Variants in ARID2 observed in about 807,000 individuals in gnomAD.
ARID2 encodes AT-rich interactive domain-containing protein 2.
In ARID2, 32 loss-of-function variants were observed where a neutral mutation model predicts 184.6. The observed-to-expected ratio is 0.17, with a 90% CI of 0.13 to 0.23. The LOEUF (loss-of-function observed/expected upper bound fraction) is 0.23, where lower values mean the gene tolerates loss of function less well. Ranked by LOEUF, ARID2 falls within the 10% of genes least tolerant of loss-of-function variation. The pLI is 1.00. For synonymous variants in ARID2, 836 were observed against 772.6 expected (o/e 1.08, Z -1.36); for missense variants, 1,696 against 2,197.6 (o/e 0.77, Z 4.56).
Position 45,804,723 on chromosome 12 carries a change from C to CA in ARID2, c.285-6689dup, listed in dbSNP as rs576056967. The stretch of plus-strand genomic sequence containing the variant: ...AATTGTGAAATATATCATGCACACA[C>CA]AAAAAAGCTTAATACATCATCTAAA... On this transcript the variant is annotated intron_variant, in intron 3 of 20. Coordinates refer to ENST00000334344, the MANE Select transcript of ARID2 (RefSeq NM_152641.4). 1.2e-4 allele frequency among the ~76,000 whole-genome samples: 18 copies of CA among 152,062 alleles called. No individual in the cohort carries two copies. In the East Asian group the frequency reaches 3.5e-3, roughly 29 times the overall value.
intron 11 of ARID2, among the ~76,000 whole-genome samples, chr12:45,844,857 C>T (rs975444): frequency 0.14 from 21,683 of 152,160 alleles, 1,962 homozygotes; most frequent in Admixed American, 0.21. Flanking sequence ...ATGCATAATC[C>T]TGCAGAGCTA....
At chr12:45,810,758 A>G (rs1328444841) in intron 3 of ARID2, among the ~76,000 whole-genome samples, 1 of 152,182 alleles carries the variant, frequency 6.6e-6, no homozygotes, top group East Asian at 1.9e-4. Context: ...AGAATCTTCT[A>G]ATTTTCATAT....
At chr12:45,749,162 T>G (rs1160669662) in intron 3 of ARID2, among the ~76,000 whole-genome samples, 2 of 152,218 alleles carry the variant, frequency 1.3e-5, no homozygotes, top group East Asian at 1.9e-4. Context: ...AGTAATAGAC[T>G]AGAAAGTCAA....
chr12:45,899,725 T>TTATATATATATATGGTTA lies in ARID2; in HGVS notation c.5364-5198_5364-5197insATGGTTATATATATATAT, dbSNP rs372531225. ...TATATATATGGTTATATATATATGG[T>TTATATATATATATGGTTA]TATATATATATGGTTTTATATATAT... On this transcript the variant is annotated intron_variant, in intron 20 of 20. Transcript: ENST00000334344. Among the ~76,000 whole-genome samples the TTATATATATATATGGTTA allele has an allele frequency of 2.1e-4, 23 of 109,112 alleles. 1 individual carries two copies. Among genetic ancestry groups the TTATATATATATATGGTTA allele is most frequent in the African/African-American group, 6.3e-4 (21 of 33,516 alleles). 71.6% of individuals were successfully genotyped at this position (109,112 alleles called of 152,430 possible).
intron 3 of ARID2, among the ~76,000 whole-genome samples, chr12:45,732,606 T>G (rs1017025349): frequency 6.6e-6 from 1 of 152,040 alleles, no homozygotes; most frequent in Non-Finnish European, 1.5e-5. Flanking sequence ...AACAAGAGAG[T>G]TTTATATTCA....
chr12:45,836,919 A>G lies in ARID2; in HGVS notation c.951A>G (p.Leu317=). 6.2e-7 allele frequency: 1 copy of G among 1,614,058 alleles called. No individual in the cohort carries two copies. Among genetic ancestry groups the G allele is most frequent in the Non-Finnish European group, 8.5e-7 (1 of 1,179,976 alleles). ...ATCGTACCTGTCTTCGTTTCCTATT[A>G]CTTTCTGCACATAGTCATTTTATTT... ...AANRTCLRFL[L]LSAHSHFISL... is the part of the protein sequence containing the mutation. Residue 317 remains leucine (L), a synonymous_variant, in exon 8 of 21, where the codon TTA becomes TTG. Transcript: ENST00000334344.
At chr12:45,871,948 G>A (rs1163284711) in intron 16 of ARID2, among the ~76,000 whole-genome samples, 1 of 152,004 alleles carries the variant, frequency 6.6e-6, no homozygotes, top group Non-Finnish European at 1.5e-5. Flanking sequence ...CATGGGATTG[G>A]TAGTAATGGT....
intron 3 of ARID2, among the ~76,000 whole-genome samples, chr12:45,784,267 T>C (rs1284229927): frequency 5.3e-5 from 8 of 152,160 alleles, no homozygotes; most frequent in African/African-American, 9.7e-5. Flanking sequence ...GTGATCCTCC[T>C]GCTTCAGCCT....
chr12:45,815,728 C>A (rs1395740866), intron 4 of ARID2, among the ~76,000 whole-genome samples: 3 of 152,028 alleles, frequency 2.0e-5, no homozygotes, highest in African/African-American at 7.2e-5. Flanking sequence ...GTGACTTAAC[C>A]AAAGCTCACT....
chr12:45,778,104 G>A (rs1405604127), intron 3 of ARID2, among the ~76,000 whole-genome samples: 1 of 152,064 alleles, frequency 6.6e-6, no homozygotes, highest in African/African-American at 2.4e-5. Flanking sequence ...TTCTCAGGGG[G>A]GCCGGGGCAG....
intron 20 of ARID2, among the ~76,000 whole-genome samples, chr12:45,899,701 A>G (rs1418715557): frequency 7.1e-6 from 1 of 140,110 alleles, no homozygotes; most frequent in Non-Finnish European, 1.5e-5. Flanking sequence ...ATGGTTATAT[A>G]TATATATGGT....
chr12:45,885,807 C>T (rs1383993205), intron 16 of ARID2, among the ~76,000 whole-genome samples: 1 of 152,054 alleles, frequency 6.6e-6, no homozygotes, highest in Non-Finnish European at 1.5e-5. Flanking sequence ...CTCATGAGAA[C>T]TCACTCAGTA....
At chr12:45,762,561 C>T (rs1941702213) in intron 3 of ARID2, among the ~76,000 whole-genome samples, 1 of 152,214 alleles carries the variant, frequency 6.6e-6, no homozygotes, top group African/African-American at 2.4e-5. Context: ...TAGACTCTGG[C>T]TTTCATGTGC....
At position 45,886,228 on chromosome 12, in the gene ARID2, A is replaced by G. The variant is rs7135758; in HGVS notation, c.4923-5552A>G. On this transcript the variant is annotated intron_variant, in intron 16 of 20. Transcript: ENST00000334344. ...CAAAGAGGCTACAGGCACCATCCAAATCCATAATCCAATAGGGTAGTCATT... is the reference window on the plus strand; with the variant it reads ...CAAAGAGGCTACAGGCACCATCCAAGTCCATAATCCAATAGGGTAGTCATT... Among the ~76,000 whole-genome samples the G allele has an allele frequency of 7.0e-3, 1,069 of 152,246 alleles. 10 individuals carry two copies. The highest frequency in any genetic ancestry group is 0.024 in the African/African-American group (1,010 of 41,540).
chr12:45,881,802 T>C, intron 16 of ARID2: 1 of 220,778 alleles, frequency 4.5e-6, no homozygotes, highest in Non-Finnish European at 8.9e-6. Context: ...CTGAGAAGGC[T>C]CTGGGTTCCT....
intron 15 of ARID2, among the ~76,000 whole-genome samples, chr12:45,854,866 C>A (rs904463314): frequency 1.3e-5 from 2 of 152,180 alleles, no homozygotes; most frequent in Non-Finnish European, 2.9e-5. Flanking sequence ...CCTCACACAA[C>A]CTTATTAGGT....
chr12:45,805,240 T>C (rs1021007064), intron 3 of ARID2, among the ~76,000 whole-genome samples: 1 of 152,010 alleles, frequency 6.6e-6, no homozygotes, highest in Non-Finnish European at 1.5e-5. Context: ...AAAGTAATGA[T>C]CCTGACTTTA....
chr12:45,824,609 A>T (rs1942959565), intron 6 of ARID2, among the ~76,000 whole-genome samples: 1 of 152,094 alleles, frequency 6.6e-6, no homozygotes, highest in Admixed American at 6.6e-5. Flanking sequence ...GGCTGTTGTC[A>T]GAAAGGCAGC....
In ARID2 at chr12:45,850,554, T is replaced by C. The variant is rs768492556; in HGVS notation, c.2431T>C (p.Cys811Arg). The C allele has an allele frequency of 3.1e-6, 5 of 1,614,104 alleles. No homozygotes were observed. In the East Asian group the frequency reaches 1.1e-4, roughly 36 times the overall value. ...TGGCAGAGTACAGAACATACCAGCA[T>C]GTACTTCTACAGTTTCACAGGGTCA... ...MFGRVQNIPA[C>R]TSTVSQGQQL... Residue 811 changes from cysteine to arginine, a missense_variant, in exon 15 of 21, where the codon TGT becomes CGT. Coordinates refer to ENST00000334344, the MANE Select transcript of ARID2 (RefSeq NM_152641.4).
Sources: gnomAD v4.1 joint callset for allele counts (sites outside exome capture counted in the v4.1 genomes callset) on GRCh38, gnomAD v4.1.1 for gene constraint, MANE v1.5 for transcripts, NCBI Gene and HGNC (gene_info 2026-07-23, HGNC 2026-07-21) for gene names.